The following JMJD1C variants were observed in gnomAD, a reference collection of about 807,000 sequenced individuals.
JMJD1C encodes the protein jumonji domain containing 1C.
In JMJD1C, 31 loss-of-function variants were observed where a neutral mutation model predicts 245.3. The ratio of observed to expected loss-of-function variants is 0.13; its 90% CI spans 0.09 to 0.17. JMJD1C has a LOEUF of 0.17. JMJD1C is among the 10% of genes least tolerant of loss of function. The pLI is 1.00. For synonymous variants in JMJD1C, 1,057 were observed against 1,017.4 expected (o/e 1.04, Z -0.74); for missense variants, 2,691 against 3,000.2 (o/e 0.90, Z 2.41).
chr10:63,295,608 T>A lies in JMJD1C; in HGVS notation c.334-30844A>T, dbSNP rs144498086. 8.7e-3 allele frequency among the ~76,000 whole-genome samples: 1,330 copies of A among 152,168 alleles called. 21 individuals are homozygous for A. Among genetic ancestry groups the A allele is most frequent in the African/African-American group, 0.03 (1,256 of 41,512 alleles). ...GAATTGTTTTATGAGCAAGTTTCAT[T>A]TCAAACAGAAAAAGGTACAATTTAT... On this transcript the variant is annotated intron_variant, in intron 2 of 25. Transcript: ENST00000399262.
At chr10:63,323,891 G>T (rs2134125044) in intron 2 of JMJD1C, among the ~76,000 whole-genome samples, 1 of 152,170 alleles carries the variant, frequency 6.6e-6, no homozygotes, top group African/African-American at 2.4e-5. Flanking sequence ...AAAATCCCAT[G>T]ATCTGCAGCC....
chr10:63,470,361 G>A (rs1288887166), upstream of JMJD1C, among the ~76,000 whole-genome samples: 1 of 152,162 alleles, frequency 6.6e-6, no homozygotes, highest in African/African-American at 2.4e-5. Flanking sequence ...ATAAATGAGA[G>A]TTCCTGTTCT....
chr10:63,337,593 G>GAAAAT (rs1205613817), intron 2 of JMJD1C, among the ~76,000 whole-genome samples: 1 of 106,464 alleles, frequency 9.4e-6, no homozygotes, highest in Non-Finnish European at 1.7e-5. Flanking sequence ...GAAAAGAAAA[G>GAAAAT]AAAAGAAAAG....
intron 2 of JMJD1C, among the ~76,000 whole-genome samples, chr10:63,366,365 T>G (rs951769710): frequency 1.3e-5 from 2 of 152,174 alleles, no homozygotes; most frequent in Non-Finnish European, 2.9e-5. Context: ...ACATTTGGAC[T>G]CCTCCTGGAT....
At chr10:63,443,431 C>T (rs961738939) in intron 1 of JMJD1C, among the ~76,000 whole-genome samples, 1 of 152,182 alleles carries the variant, frequency 6.6e-6, no homozygotes, top group Non-Finnish European at 1.5e-5. Flanking sequence ...CAGCCTCAGC[C>T]TCCCGAGTAG....
At chr10:63,258,003 G>A (rs895500631) in intron 3 of JMJD1C, among the ~76,000 whole-genome samples, 1 of 152,156 alleles carries the variant, frequency 6.6e-6, no homozygotes, top group African/African-American at 2.4e-5. Flanking sequence ...TGGTGGCAGA[G>A]AAATAGTCAA....
At chr10:63,521,255 T>C (rs1210106746) in intron 1 of JMJD1C, 1 of 151,462 alleles carries the variant, frequency 6.6e-6, no homozygotes. Flanking sequence ...GCCCCAGCCC[T>C]GGCCCGGGCC....
chr10:63,359,647 T>C (rs1945155135), intron 2 of JMJD1C, among the ~76,000 whole-genome samples: 1 of 152,214 alleles, frequency 6.6e-6, no homozygotes, highest in Admixed American at 6.5e-5. Flanking sequence ...TTTGTTTTAA[T>C]CTAGTTGAAA....
rs1852265049 is a variant in JMJD1C at position 63,246,781 on chromosome 10, A to G, written c.447+17870T>C. Among the ~76,000 whole-genome samples the G allele has an allele frequency of 2.6e-5, 4 of 152,318 alleles. 1 individual carries two copies. The South Asian group carries it at 8.3e-4, about 32-fold the overall frequency. On this transcript the variant is annotated intron_variant, in intron 3 of 25. Transcript: ENST00000399262. ...CCACAACAGAATAAACCTAGAAATC[A>G]GTAGCAAGGGAAACCTCTGAAAACA...
At chr10:63,268,748 C>T in intron 2 of JMJD1C, 1 of 985,296 alleles carries the variant, frequency 1.0e-6, no homozygotes, top group Non-Finnish European at 1.2e-6. Flanking sequence ...GCTGAAATTT[C>T]TATTTTGTTC....
At chr10:63,290,857 T>TA (rs201982252) in intron 2 of JMJD1C, among the ~76,000 whole-genome samples, 4,278 of 152,028 alleles carry the variant, frequency 0.028, 87 homozygotes, top group Non-Finnish European at 0.045. Flanking sequence ...AACGACAAGC[T>TA]AAAAAAAATC....
chr10:63,283,512 G>A (rs746758896), intron 2 of JMJD1C, among the ~76,000 whole-genome samples: 2 of 151,838 alleles, frequency 1.3e-5, no homozygotes, highest in Non-Finnish European at 1.5e-5. Context: ...GATTACAGGC[G>A]CCCGCCACCA....
chr10:63,177,348 G>T (rs1332530404), intron 23 of JMJD1C: 3 of 240,126 alleles, frequency 1.2e-5, no homozygotes, highest in African/African-American at 2.4e-5. Flanking sequence ...CAGATTCAAA[G>T]AAAATAAAGA....
chr10:63,354,527 A>G (rs768303937), intron 2 of JMJD1C, among the ~76,000 whole-genome samples: 6 of 151,896 alleles, frequency 4.0e-5, no homozygotes, highest in Non-Finnish European at 5.9e-5. Context: ...ATTTATTACA[A>G]CTGAGATGAG....
intron 1 of JMJD1C, among the ~76,000 whole-genome samples, chr10:63,516,314 A>G (rs951861598): frequency 6.6e-6 from 1 of 151,930 alleles, no homozygotes. Flanking sequence ...AAAAAAGACT[A>G]ATTTTTCACT....
chr10:63,433,856 C>T (rs1373072442), intron 1 of JMJD1C, among the ~76,000 whole-genome samples: 1 of 148,688 alleles, frequency 6.7e-6, no homozygotes, highest in East Asian at 1.9e-4. Flanking sequence ...GCTGGGATTA[C>T]GGGTCTGAGT....
At chr10:63,264,595 A>G (rs939127261) in intron 3 of JMJD1C, 56 bp downstream of exon 3, 4 of 764,590 alleles carry the variant, frequency 5.2e-6, no homozygotes, top group Non-Finnish European at 8.7e-6. Flanking sequence ...GAATGTCTGA[A>G]TATCAATAAA....
chr10:63,392,891 C>CACACAA (rs1187400109), intron 1 of JMJD1C, among the ~76,000 whole-genome samples: 1 of 148,724 alleles, frequency 6.7e-6, no homozygotes, highest in Non-Finnish European at 1.5e-5. Context: ...CACACACACA[C>CACACAA]ACACACACAC....
At chr10:63,325,086 C>G (rs1941356056) in intron 2 of JMJD1C, among the ~76,000 whole-genome samples, 1 of 152,074 alleles carries the variant, frequency 6.6e-6, no homozygotes, top group Non-Finnish European at 1.5e-5. Context: ...GACTAGATGT[C>G]CTATTAGGGA....
Sources: allele counts gnomAD v4.1 joint callset (sites outside exome capture counted in the v4.1 genomes callset), GRCh38; gene constraint gnomAD v4.1.1; transcripts MANE v1.5; gene names NCBI Gene and HGNC (gene_info 2026-07-23, HGNC 2026-07-21).